The following WBP1L variants were observed in gnomAD, a reference collection of about 807,000 sequenced individuals.
WBP1L encodes the protein WW domain binding protein 1-like.
A neutral mutation model predicts 33.7 loss-of-function variants in WBP1L; 17 were observed. The ratio of observed to expected loss-of-function variants is 0.50; its 90% confidence interval spans 0.34 to 0.76. WBP1L has a LOEUF of 0.76. WBP1L is among the 30% of genes least tolerant of loss of function. The pLI, the probability that WBP1L is intolerant of heterozygous loss-of-function variation, is 0.01. For synonymous variants in WBP1L, 173 were observed against 190.8 expected (o/e 0.91, Z 0.77); for missense variants, 389 against 469.4 (o/e 0.83, Z 1.58).
chr10:102,803,359 C>T (rs1038262848), intron 2 of WBP1L, among the ~76,000 whole-genome samples: 1 of 152,170 alleles, frequency 6.6e-6, no homozygotes, highest in African/African-American at 2.4e-5. Flanking sequence ...GTGGTGTTTT[C>T]CCAAGTTTGT....
chr10:102,776,470 G>C lies in WBP1L; in HGVS notation c.91-21523G>C, dbSNP rs1843265299. The stretch of plus-strand genomic sequence containing the variant: ...GGAAGGGAAGAAGGGGTGGGAGCTT[G>C]TTTATTGTACTACTGCTTTGGGTGG... On this transcript the variant is annotated intron_variant, in intron 1 of 3. Coordinates refer to ENST00000448841, the MANE Select transcript of WBP1L (RefSeq NM_001083913.2). 4.3e-6 allele frequency: 7 copies of C among 1,611,598 alleles called. No homozygotes were observed. The East Asian group carries it at 1.6e-4, about 36-fold the overall frequency.
chr10:102,795,517 G>A (rs777998511), intron 1 of WBP1L, among the ~76,000 whole-genome samples: 6 of 152,224 alleles, frequency 3.9e-5, no homozygotes, highest in Non-Finnish European at 7.3e-5. Flanking sequence ...GAAGATCCGA[G>A]AGAAAAGCTG....
At chr10:102,767,290 G>T (rs958144188) in intron 1 of WBP1L, among the ~76,000 whole-genome samples, 1 of 152,150 alleles carries the variant, frequency 6.6e-6, no homozygotes. Context: ...TCTTGTTTGG[G>T]GGGTGGGGAG....
intron 1 of WBP1L, among the ~76,000 whole-genome samples, chr10:102,796,573 G>A (rs547546683): frequency 6.6e-6 from 1 of 152,322 alleles, no homozygotes; most frequent in East Asian, 1.9e-4. Context: ...GCAGCTGTCC[G>A]CCGGATGTGC....
intron 1 of WBP1L, among the ~76,000 whole-genome samples, chr10:102,753,937 A>G (rs1842947207): frequency 6.6e-6 from 1 of 152,328 alleles, no homozygotes; most frequent in South Asian, 2.1e-4. Flanking sequence ...AGAGGCATGC[A>G]TTCATGGAGA....
At chr10:102,799,961 TGCCTTTCTGA>T (rs1843631827) in intron 2 of WBP1L, among the ~76,000 whole-genome samples, 2 of 152,328 alleles carry the variant, frequency 1.3e-5, no homozygotes, top group South Asian at 4.1e-4. Context: ...CGGGCTCATC[TGCCTTTCTGA>T]GGAATTCCAG....
intron 1 of WBP1L, among the ~76,000 whole-genome samples, chr10:102,797,541 G>A (rs1218336101): frequency 6.6e-6 from 1 of 151,698 alleles, no homozygotes; most frequent in Non-Finnish European, 1.5e-5. Context: ...AGTTTTTTTT[G>A]TTTGTTTGTC....
At chr10:102,744,278 T>C in intron 1 of WBP1L, 135 bp downstream of exon 1, 1 of 1,275,166 alleles carries the variant, frequency 7.8e-7, no homozygotes, top group Admixed American at 3.3e-5. Context: ...GTGGACAGGA[T>C]CTAAAGGGGC....
chr10:102,786,003 G>A (rs1388166591), intron 1 of WBP1L, among the ~76,000 whole-genome samples: 3 of 152,200 alleles, frequency 2.0e-5, no homozygotes, highest in African/African-American at 7.2e-5. Flanking sequence ...GATTTTTGCT[G>A]TGGGATTTTC....
chr10:102,808,051 T>C (rs1305495120), intron 2 of WBP1L, among the ~76,000 whole-genome samples: 1 of 152,016 alleles, frequency 6.6e-6, no homozygotes, highest in Non-Finnish European at 1.5e-5. Context: ...TGGTGGCATA[T>C]GCTTGTAGTC....
At chr10:102,790,617 TCTC>T (rs1843482721) in intron 1 of WBP1L, among the ~76,000 whole-genome samples, 2 of 152,100 alleles carry the variant, frequency 1.3e-5, no homozygotes, top group South Asian at 4.2e-4. Context: ...TTCAAGCAAT[TCTC>T]CTGCCTCAGC....
Position 102,757,569 on chromosome 10 carries a change from CTTTTTTT to C in WBP1L, c.90+13443_90+13449del, listed in dbSNP as rs60213859. On this transcript the variant is annotated intron_variant, in intron 1 of 3. Coordinates refer to ENST00000448841, the MANE Select transcript of WBP1L (RefSeq NM_001083913.2). ...TCTCAGGGGAAGATGGTTTCTGAGC[CTTTTTTT>C]TTTTTTTTTTTTTTTTGTTGATACA... is the stretch of plus-strand genomic sequence containing the variant. 2.3e-3 allele frequency among the ~76,000 whole-genome samples: 203 copies of C among 88,812 alleles called. 2 individuals carry two copies. Among genetic ancestry groups the C allele is most frequent in the African/African-American group, 8.5e-3 (185 of 21,824 alleles). 58.3% of individuals were successfully genotyped at this position (88,812 alleles called of 152,430 possible). A position where few individuals can be genotyped will look rare whatever the true frequency, so the allele number is the denominator to read the frequency against.
At chr10:102,797,699 C>T (rs554639515) in intron 1 of WBP1L, among the ~76,000 whole-genome samples, 3 of 152,080 alleles carry the variant, frequency 2.0e-5, no homozygotes, top group East Asian at 3.9e-4. Flanking sequence ...ATTACAGGCG[C>T]GCACCACCAC....
intron 1 of WBP1L, among the ~76,000 whole-genome samples, chr10:102,778,706 G>A (rs1284107417): frequency 1.3e-5 from 2 of 152,206 alleles, no homozygotes; most frequent in South Asian, 4.1e-4. Context: ...CTGTCAGACA[G>A]TGTAACTATG....
At chr10:102,774,345 G>A (rs980971268) in intron 1 of WBP1L, among the ~76,000 whole-genome samples, 2 of 152,148 alleles carry the variant, frequency 1.3e-5, no homozygotes, top group Non-Finnish European at 2.9e-5. Context: ...GAATATGTAT[G>A]TGCTGAAGAA....
chr10:102,748,667 A>G (rs1842892881), intron 1 of WBP1L, among the ~76,000 whole-genome samples: 1 of 152,220 alleles, frequency 6.6e-6, no homozygotes, highest in East Asian at 1.9e-4. Flanking sequence ...GGCCCTGGGA[A>G]CCATCAAATG....
At position 102,813,122 on chromosome 10, in the gene WBP1L, G is replaced by C; in HGVS notation, c.883G>C (p.Asp295His). ...CCTCAAAGAGTTCAACACACTCATC[G>C]ATGATGCTCTGGATGGGCCCCTGGA... is the stretch of plus-strand genomic sequence containing the variant. ...DDLKEFNTLI[D>H]DALDGPLDFC... Residue 295 changes from aspartate (D) to histidine (H), a missense_variant, in exon 4 of 4, where the codon GAT becomes CAT. Physicochemically the swap from Asp to His is moderately conservative, Grantham distance 81 (BLOSUM62 -1). Transcript: ENST00000448841. 1 of 1,613,998 alleles carries C rather than the reference G, an allele frequency of 6.2e-7. No homozygotes were observed. The highest frequency in any genetic ancestry group is 8.5e-7 in the Non-Finnish European group (1 of 1,180,022).
chr10:102,746,609 TGGG>T, intron 1 of WBP1L, among the ~76,000 whole-genome samples: 2 of 149,046 alleles, frequency 1.3e-5, no homozygotes, highest in Middle Eastern at 6.9e-3. Flanking sequence ...TGGGTTTTTT[TGGG>T]GGGGGTGGGG....
chr10:102,813,484 A>G lies in WBP1L; in HGVS notation c.*153A>G, dbSNP rs1330978137. ...CTTCTCCTCTCCTGCATTTTCCTCC[A>G]TCTCCAGGTACAGTTCGGGGTGTGG... is the stretch of plus-strand genomic sequence containing the variant. On this transcript the variant is annotated 3_prime_UTR_variant, in exon 4 of 4. Transcript: ENST00000448841. 45 of 1,077,868 alleles carry G rather than the reference A, an allele frequency of 4.2e-5. No individual in the cohort carries two copies. Among genetic ancestry groups the G allele is most frequent in the South Asian group, 1.0e-4 (6 of 59,494 alleles). 66.8% of individuals were successfully genotyped at this position (1,077,868 alleles called of 1,614,324 possible).
Sources: gnomAD v4.1 joint callset for allele counts (sites outside exome capture counted in the v4.1 genomes callset) on GRCh38, gnomAD v4.1.1 for gene constraint, MANE v1.5 for transcripts, NCBI Gene and HGNC (gene_info 2026-07-23, HGNC 2026-07-21) for gene names.